The following PHACTR3 variants were observed in gnomAD, a reference collection of about 807,000 sequenced individuals.
PHACTR3 encodes phosphatase and actin regulator 3.
In PHACTR3, 16 loss-of-function variants were observed where a neutral mutation model predicts 66.8. The ratio of observed to expected loss-of-function variants is 0.24; its 90% CI spans 0.16 to 0.36. The LOEUF is 0.36. PHACTR3 is among the 10% of genes least tolerant of loss of function. The pLI is 1.00. For missense variants in PHACTR3, 647 were observed against 719.9 expected (o/e 0.90, Z 1.16); for synonymous variants, 323 against 292.1 (o/e 1.11, Z -1.08).
chr20:59,705,973 C>T (rs1347594545), intron 1 of PHACTR3, among the ~76,000 whole-genome samples: 1 of 152,140 alleles, frequency 6.6e-6, no homozygotes, highest in Non-Finnish European at 1.5e-5. Flanking sequence ...ACTCAGAGGC[C>T]AGAGCTGAAG....
intron 11 of PHACTR3, among the ~76,000 whole-genome samples, chr20:59,842,133 T>TAGGTCATAGAGTCTC (rs1381221045): frequency 6.6e-6 from 1 of 152,144 alleles, no homozygotes; most frequent in Non-Finnish European, 1.5e-5. Flanking sequence ...AAGGAGGTAG[T>TAGGTCATAGAGTCTC]AGGTCATAGA....
chr20:59,719,905 G>A (rs554945640), intron 1 of PHACTR3, among the ~76,000 whole-genome samples: 7 of 152,316 alleles, frequency 4.6e-5, no homozygotes, highest in East Asian at 3.9e-4. Flanking sequence ...GAGGGCTTGC[G>A]TCTCCTCATT....
rs71183177 is a variant in PHACTR3 at position 59,622,981 on chromosome 20, CAAAAAA to C, written c.118+17864_118+17869del. Among the ~76,000 whole-genome samples the C allele has an allele frequency of 6.2e-4, 20 of 32,224 alleles. 3 individuals carry two copies. Among genetic ancestry groups the C allele is most frequent in the Admixed American group, 2.7e-3 (6 of 2,254 alleles). 21.1% of individuals were successfully genotyped at this position (32,224 alleles called of 152,430 possible). ...ATTCTAATTTTACAGCAGCTTTAACCAAAAAAAAAAAAAAAAAAAACCCAAATCTTC... is the reference window on the plus strand; with the variant it reads ...ATTCTAATTTTACAGCAGCTTTAACCAAAAAAAAAAAAAACCCAAATCTTC... On this transcript the variant is annotated intron_variant, in intron 1 of 12. Coordinates refer to ENST00000371015, the MANE Select transcript of PHACTR3 (RefSeq NM_080672.5).
chr20:59,766,577 G>T (rs1364197014), intron 4 of PHACTR3, among the ~76,000 whole-genome samples: 1 of 152,120 alleles, frequency 6.6e-6, no homozygotes, highest in Non-Finnish European at 1.5e-5. Flanking sequence ...AGCTAGAAAG[G>T]GAGGGATGAG....
intron 1 of PHACTR3, among the ~76,000 whole-genome samples, chr20:59,605,846 C>CGGGGGGGGGGG (rs200107140): frequency 7.7e-4 from 6 of 7,762 alleles, no homozygotes; most frequent in African/African-American, 5.5e-3. Context: ...CCTAATAAAG[C>CGGGGGGGGGGG]GGGGGGGGAG....
intron 8 of PHACTR3, among the ~76,000 whole-genome samples, chr20:59,813,027 G>T (rs76366147): frequency 6.6e-6 from 1 of 152,178 alleles, no homozygotes; most frequent in African/African-American, 2.4e-5. Context: ...GGACAGGGCC[G>T]GGAAGCTGAT....
At chr20:59,704,455 G>C (rs1220824254) in intron 1 of PHACTR3, among the ~76,000 whole-genome samples, 1 of 151,432 alleles carries the variant, frequency 6.6e-6, no homozygotes, top group Non-Finnish European at 1.5e-5. Flanking sequence ...TTTCTTGTAG[G>C]TTCCTTTTCT....
chr20:59,758,716 C>G (rs962254477), intron 4 of PHACTR3, among the ~76,000 whole-genome samples: 1 of 152,200 alleles, frequency 6.6e-6, no homozygotes, highest in Non-Finnish European at 1.5e-5. Flanking sequence ...ATAACTGGTC[C>G]AAATGACTGG....
chr20:59,680,551 C>A (rs7344240), intron 1 of PHACTR3, among the ~76,000 whole-genome samples: 6 of 152,174 alleles, frequency 3.9e-5, no homozygotes, highest in Admixed American at 3.9e-4. Flanking sequence ...ACCTGGCAAC[C>A]TTCATGTAAC....
Position 59,685,812 on chromosome 20 carries a change from C to T in PHACTR3, c.119-57295C>T, listed in dbSNP as rs550421382. On this transcript the variant is annotated intron_variant, in intron 1 of 12. Coordinates refer to ENST00000371015, the MANE Select transcript of PHACTR3 (RefSeq NM_080672.5). ...AGTGGCTTCCCCGCCTCACATTCCCCGTTACAGTCTGGCCTGATTGTATCT... is the reference window on the plus strand; with the variant it reads ...AGTGGCTTCCCCGCCTCACATTCCCTGTTACAGTCTGGCCTGATTGTATCT... Among the ~76,000 whole-genome samples the T allele has an allele frequency of 2.2e-3, 329 of 152,324 alleles. 3 individuals carry two copies. The highest frequency in any genetic ancestry group is 7.5e-3 in the African/African-American group (310 of 41,588).
rs202066573 is a variant in PHACTR3 at position 59,743,132 on chromosome 20, G to A, written c.144G>A (p.Ala48=). Residue 48 remains alanine (A), a synonymous_variant, in exon 2 of 13, where the codon GCG becomes GCA. Transcript: ENST00000371015. ...NPDEMDQTPP[A]RPEYLVSGIR... is the part of the protein sequence containing the mutation. ...ATGAGATGGACCAAACGCCCCCGGC[G>A]CGTCCTGAATATCTGGTCTCAGGGA... 77 of 1,613,938 alleles carry A rather than the reference G, an allele frequency of 4.8e-5. 2 individuals are homozygous for A. The highest frequency in any genetic ancestry group is 2.0e-4 in the East Asian group (9 of 44,858).
At chr20:59,836,792 T>C (rs577857165) in intron 9 of PHACTR3, among the ~76,000 whole-genome samples, 2 of 152,214 alleles carry the variant, frequency 1.3e-5, no homozygotes, top group Non-Finnish European at 2.9e-5. Context: ...AAGATGTTTT[T>C]ATTTTCAGGG....
intron 1 of PHACTR3, among the ~76,000 whole-genome samples, chr20:59,653,382 A>C (rs1025638362): frequency 6.6e-6 from 1 of 152,126 alleles, no homozygotes; most frequent in African/African-American, 2.4e-5. Context: ...ACGGGGTTTC[A>C]CTATGTTGGT....
chr20:59,800,849 T>C (rs988613405), intron 7 of PHACTR3, among the ~76,000 whole-genome samples: 2 of 152,204 alleles, frequency 1.3e-5, no homozygotes, highest in Non-Finnish European at 2.9e-5. Context: ...TAACATTTGT[T>C]AGATAGAACC....
At chr20:59,768,770 T>A (rs886652819) in intron 5 of PHACTR3, among the ~76,000 whole-genome samples, 7 of 152,198 alleles carry the variant, frequency 4.6e-5, no homozygotes, top group African/African-American at 1.4e-4. Flanking sequence ...GGGTGGAAAA[T>A]GCTTTCAGTG....
At chr20:59,790,689 T>C (rs2041063671) in intron 7 of PHACTR3, among the ~76,000 whole-genome samples, 1 of 152,166 alleles carries the variant, frequency 6.6e-6, no homozygotes, top group South Asian at 2.1e-4. Flanking sequence ...TGCAAAGTAG[T>C]GTGTATGGTA....
intron 1 of PHACTR3, among the ~76,000 whole-genome samples, chr20:59,587,379 G>C (rs2033063310): frequency 6.6e-6 from 1 of 152,266 alleles, no homozygotes; most frequent in Admixed American, 6.5e-5. Context: ...GAGTCCCAGT[G>C]TGACCTTGTA....
chr20:59,666,578 C>A (rs2035996883), intron 1 of PHACTR3, among the ~76,000 whole-genome samples: 1 of 150,246 alleles, frequency 6.7e-6, no homozygotes, highest in Admixed American at 6.6e-5. Flanking sequence ...GACAGAGAGA[C>A]AGGGAGAGAG....
chr20:59,584,598 C>T (rs927804294), intron 1 of PHACTR3, among the ~76,000 whole-genome samples: 3 of 152,148 alleles, frequency 2.0e-5, no homozygotes, highest in African/African-American at 7.2e-5. Flanking sequence ...TGCGATCTCC[C>T]TCAACCTAGT....
Sources: allele counts gnomAD v4.1 joint callset (sites outside exome capture counted in the v4.1 genomes callset), GRCh38; gene constraint gnomAD v4.1.1; transcripts MANE v1.5; gene names NCBI Gene and HGNC (gene_info 2026-07-23, HGNC 2026-07-21).